Variants in CLCA2 observed in about 807,000 individuals in gnomAD.
CLCA2 encodes chloride channel accessory 2, also known as calcium-activated chloride channel regulator 2.
A neutral mutation model predicts 82.9 loss-of-function variants in CLCA2; 85 were observed. The ratio of observed to expected loss-of-function variants is 1.03; its 90% CI spans 0.86 to 1.23. CLCA2 has a LOEUF of 1.23. Ranked by LOEUF, CLCA2 falls within the 50% of genes most tolerant of loss-of-function variation. The probability of loss-of-function intolerance (pLI) is 0.00; values close to 1 mark genes in which losing one functional copy is unlikely to be tolerated. For missense variants in CLCA2, 1,089 were observed against 1,124.8 expected, an observed-to-expected ratio of 0.97 and a Z score of 0.45; for synonymous variants, 421 against 391.7, an observed-to-expected ratio of 1.07 and a Z score of -0.88.
At chr1:86,424,573 T>C in intron 1 of CLCA2, 140 bp downstream of exon 1, 1 of 656,120 alleles carries the variant, frequency 1.5e-6, no homozygotes, top group Non-Finnish European at 2.4e-6. Flanking sequence ...CACAACGTTA[T>C]GATTATGGCT....
intron 11 of CLCA2, among the ~76,000 whole-genome samples, chr1:86,449,928 C>A (rs1251793859): frequency 6.6e-6 from 1 of 152,158 alleles, no homozygotes; most frequent in Non-Finnish European, 1.5e-5. Flanking sequence ...CACTGGCTAA[C>A]CTTTCAGAAT....
chr1:86,429,424 C>T (rs148105939), intron 3 of CLCA2, among the ~76,000 whole-genome samples: 1 of 152,324 alleles, frequency 6.6e-6, no homozygotes, highest in Non-Finnish European at 1.5e-5. Flanking sequence ...GAACAAGGCA[C>T]ACACCAGGTT....
chr1:86,432,122 G>C (rs1662512723), intron 4 of CLCA2, among the ~76,000 whole-genome samples: 1 of 152,062 alleles, frequency 6.6e-6, no homozygotes, highest in Non-Finnish European at 1.5e-5. Flanking sequence ...TTTTAGTAGA[G>C]ACAGGGTTTC....
intron 6 of CLCA2, among the ~76,000 whole-genome samples, chr1:86,438,317 A>G (rs1662654113): frequency 6.6e-6 from 1 of 152,212 alleles, no homozygotes; most frequent in African/African-American, 2.4e-5. Context: ...CCTTCATGGT[A>G]TAACTGTACT....
chr1:86,444,505 G>A (rs1662807588), intron 10 of CLCA2, among the ~76,000 whole-genome samples: 3 of 152,272 alleles, frequency 2.0e-5, no homozygotes, highest in South Asian at 4.1e-4. Flanking sequence ...CTTCCTGGAA[G>A]CAAAGACATC....
chr1:86,427,949 A>G (rs1460845386), intron 2 of CLCA2, among the ~76,000 whole-genome samples: 1 of 152,192 alleles, frequency 6.6e-6, no homozygotes, highest in East Asian at 1.9e-4. Context: ...TTACACCAAT[A>G]AAATAACCCA....
rs995604081 is a variant in CLCA2, at chr1:86,453,543, T to C, written c.2330T>C (p.Val777Ala). The C allele has an allele frequency of 1.9e-6, 3 of 1,614,006 alleles. No individual in the cohort carries two copies. Among genetic ancestry groups the C allele is most frequent in the Non-Finnish European group, 2.5e-6 (3 of 1,180,012 alleles). ...CKIIDLEAVKVEEELTLSWTA... is the reference protein window; with the variant it reads ...CKIIDLEAVKAEEELTLSWTA... Reference sequence around the variant, plus strand: ...ATTATTGACCTGGAAGCTGTAAAAGTAGAAGAGGAATTGACCCTATCTTGG... The same window carrying C: ...ATTATTGACCTGGAAGCTGTAAAAGCAGAAGAGGAATTGACCCTATCTTGG... Residue 777 changes from valine (V) to alanine (A), a missense_variant, in exon 13 of 14, where the codon GTA becomes GCA. Coordinates refer to ENST00000370565, the MANE Select transcript of CLCA2 (RefSeq NM_006536.7).
chr1:86,451,932 T>G (rs898478447), intron 12 of CLCA2, among the ~76,000 whole-genome samples: 3 of 152,106 alleles, frequency 2.0e-5, no homozygotes, highest in Non-Finnish European at 4.4e-5. Flanking sequence ...TTATTATTAG[T>G]TAATCTCATT....
intron 6 of CLCA2, among the ~76,000 whole-genome samples, chr1:86,435,827 T>C (rs959924169): frequency 6.6e-6 from 1 of 152,212 alleles, no homozygotes; most frequent in Non-Finnish European, 1.5e-5. Flanking sequence ...TCTTAATTTT[T>C]CCTACTATTT....
chr1:86,443,358 G>A (rs1662777128), intron 9 of CLCA2, among the ~76,000 whole-genome samples: 1 of 152,170 alleles, frequency 6.6e-6, no homozygotes, highest in Non-Finnish European at 1.5e-5. Context: ...GCAAAACCAT[G>A]CCAAAACCCA....
intron 6 of CLCA2, among the ~76,000 whole-genome samples, chr1:86,438,463 G>A (rs1662657752): frequency 6.6e-6 from 1 of 152,190 alleles, no homozygotes; most frequent in Admixed American, 6.5e-5. Flanking sequence ...GGCAGATCAT[G>A]GGTCCTCTGA....
chr1:86,450,200 T>C (rs1454044195), intron 11 of CLCA2, among the ~76,000 whole-genome samples: 2 of 152,202 alleles, frequency 1.3e-5, no homozygotes, highest in Non-Finnish European at 2.9e-5. Flanking sequence ...AAAATAGCTT[T>C]TATTCATATC....
rs375894557 is a variant in CLCA2, at chr1:86,443,976, C to T, written c.1678C>T (p.Arg560Trp). The change falls in exon 10 of 14, where the codon CGG (arginine) becomes TGG (tryptophan). Residue 560 changes from arginine (R) to tryptophan (W), a missense_variant. Transcript: ENST00000370565. ...TNNFITNLTF[R>W]TASLWIPGTA... The stretch of plus-strand genomic sequence containing the variant: ...TAATTTTATCACCAATCTAACTTTT[C>T]GGACAGCTAGTCTTTGGATTCCAGG... 158 of 1,613,036 alleles carry T rather than the reference C, an allele frequency of 9.8e-5. No homozygotes were observed. The East Asian group carries it at 1.3e-3, about 14-fold the overall frequency.
At chr1:86,432,884 C>A (rs998825862) in intron 5 of CLCA2, among the ~76,000 whole-genome samples, 1 of 152,044 alleles carries the variant, frequency 6.6e-6, no homozygotes, top group Non-Finnish European at 1.5e-5. Context: ...AGTAGCAGAC[C>A]ACTCTGTATT....
In CLCA2 at chr1:86,430,962, A is replaced by G; in HGVS notation, c.576A>G (p.Lys192=). Residue 192 remains lysine (K), a synonymous_variant, in exon 4 of 14, where the codon AAA becomes AAG. Transcript: ENST00000370565. ...ACATAAATGGGCAAAATCAAATTAAAGTGACAAGGTTAGTACTTTTTTTCA... is the reference window on the plus strand; with the variant it reads ...ACATAAATGGGCAAAATCAAATTAAGGTGACAAGGTTAGTACTTTTTTTCA... ...PFYINGQNQI[K]VTRCSSDITG... 1 of 1,606,808 alleles carries G rather than the reference A, an allele frequency of 6.2e-7. No homozygotes were observed. Among genetic ancestry groups the G allele is most frequent in the African/African-American group, 1.3e-5 (1 of 74,864 alleles).
At position 86,439,093 on chromosome 1, in the gene CLCA2, A is replaced by G; in HGVS notation, c.1190A>G (p.Lys397Arg). ...GACATCAGCATTTGTTCAGGGCTTA[A>G]GAAAGGATTTGAGGTACAGTAGAGC... is the stretch of plus-strand genomic sequence containing the variant. ...KTDISICSGL[K>R]KGFEVVEKLN... is the part of the protein sequence containing the mutation. The change falls in exon 7 of 14, where the codon AAG (lysine) becomes AGG (arginine). Residue 397 changes from lysine to arginine, a missense_variant. Physicochemically the swap from Lys to Arg is conservative, Grantham distance 26. Transcript: ENST00000370565. 1 of 1,614,034 alleles carries G rather than the reference A, an allele frequency of 6.2e-7. No individual in the cohort carries two copies. The highest frequency in any genetic ancestry group is 8.5e-7 in the Non-Finnish European group (1 of 1,179,910).
rs1466872340 is a variant in CLCA2, at chr1:86,447,759, A to T, written c.1965A>T (p.Arg655Ser). Residue 655 changes from arginine (R) to serine (S), a missense_variant, in exon 11 of 14, where the codon AGA (arginine) becomes AGT (serine). Physicochemically the swap from Arg to Ser is moderately radical, Grantham distance 110. Transcript: ENST00000370565. ...AGACTGGAGATCCTGTTACGCTGAG[A>T]CTCCTTGATGATGGAGCAGGTAACA... ...EPETGDPVTLRLLDDGAGADV... is the reference protein window; with the variant it reads ...EPETGDPVTLSLLDDGAGADV... 6.8e-6 allele frequency: 11 copies of T among 1,612,856 alleles called. No homozygotes were observed. The South Asian group carries it at 1.1e-4, about 16-fold the overall frequency.
chr1:86,440,733 T>A (rs868731561), intron 8 of CLCA2, among the ~76,000 whole-genome samples: 1 of 152,018 alleles, frequency 6.6e-6, no homozygotes, highest in African/African-American at 2.4e-5. Flanking sequence ...AAACCCCACT[T>A]CTACTAAAAA....
chr1:86,455,055 A>C, intron 13 of CLCA2, 30 bp from the exon 14 acceptor site: 1 of 1,313,122 alleles, frequency 7.6e-7, no homozygotes, highest in South Asian at 1.6e-5. Flanking sequence ...AAAGTGACTT[A>C]ATTTTCCTAT....
Sources: allele counts gnomAD v4.1 joint callset (sites outside exome capture counted in the v4.1 genomes callset), GRCh38; gene constraint gnomAD v4.1.1; transcripts MANE v1.5; gene names NCBI Gene and HGNC (gene_info 2026-07-23, HGNC 2026-07-21).